RASAL3: variants seen among roughly 807,000 people sequenced by gnomAD.
The protein encoded by RASAL3 is RAS protein activator like-3.
Under a neutral mutation model 105.5 loss-of-function variants are expected in RASAL3, and 74 were observed. That is an observed-to-expected ratio of 0.70 (90% CI 0.58 to 0.85). The LOEUF is 0.85. Among genes scored for constraint, RASAL3 ranks in the 40% least tolerant of loss-of-function variants. The probability of loss-of-function intolerance (pLI) is 0.00; values close to 1 mark genes in which losing one functional copy is unlikely to be tolerated. For missense variants in RASAL3, 1,352 were observed against 1,392.0 expected (o/e 0.97, Z 0.46); for synonymous variants, 579 against 591.6 (o/e 0.98, Z 0.31).
In RASAL3 at chr19:15,464,350, TG is replaced by T; in HGVS notation, c.8del (p.Pro3HisfsTer18). MD[P>X]PSPSRTSQTQ... ...TTTGGGAGGTCCGGCTTGGCGACGGTGGGTCCATGGTTGGGGGGGGGGGTCT... is the reference window on the plus strand; with the variant it reads ...TTTGGGAGGTCCGGCTTGGCGACGGTGGTCCATGGTTGGGGGGGGGGGTCT... On this transcript the variant is annotated frameshift_variant, in exon 2 of 18. Transcript: ENST00000343625. LOFTEE classifies it high-confidence loss of function. 1.5e-6 allele frequency: 1 copy of T among 662,380 alleles called. No homozygotes were observed. Among genetic ancestry groups the T allele is most frequent in the Non-Finnish European group, 2.1e-6 (1 of 478,240 alleles). The allele number at this position is 662,380 out of a possible 1,614,324, so 41.0% of individuals were successfully genotyped here.
rs1481165822 is a variant in RASAL3 at position 15,460,266 on chromosome 19, G to A, written c.607-8C>T. ...CAGCCTCTTGAGCAACCCCTGTGGG[G>A]AAGGGAATGTCAGCTGGACAGAAAT... is the stretch of plus-strand genomic sequence containing the variant. On this transcript the variant is annotated splice_region_variant and splice_polypyrimidine_tract_variant and intron_variant, in intron 5 of 17. Transcript: ENST00000343625. 5 of 1,604,780 alleles carry A rather than the reference G, an allele frequency of 3.1e-6. No homozygotes were observed. The highest frequency in any genetic ancestry group is 2.6e-6 in the Non-Finnish European group (3 of 1,175,446).
chr19:15,463,987 G>T lies in RASAL3; in HGVS notation c.328+44C>A, dbSNP rs533843924. 11 of 1,494,760 alleles carry T rather than the reference G, an allele frequency of 7.4e-6. No homozygotes were observed. The South Asian group carries it at 1.1e-4, about 15-fold the overall frequency. 92.6% of individuals were successfully genotyped at this position (1,494,760 alleles called of 1,614,324 possible). A position where few individuals can be genotyped will look rare whatever the true frequency, so the allele number is the denominator to read the frequency against. On this transcript the variant is annotated intron_variant, in intron 2 of 17. Transcript: ENST00000343625. Reference sequence around the variant, plus strand: ...GGAGGCAGACAAAACCCAAGCATCCGGCTTCCCAGCCCGGCCCAAGCTCAG... The same window carrying T: ...GGAGGCAGACAAAACCCAAGCATCCTGCTTCCCAGCCCGGCCCAAGCTCAG...
chr19:15,453,045 C>T lies in RASAL3; in HGVS notation c.2670+62G>A. ...TTGAACCCAGACTTGCCTGGCCCTT[C>T]AGTCTTCCCCAGTCGCGTCCCTGTT... On this transcript the variant is annotated intron_variant, in intron 15 of 17. Coordinates refer to ENST00000343625, the MANE Select transcript of RASAL3 (RefSeq NM_022904.3). The surrounding 1 kb of genome is among the most constrained non-coding windows in gnomAD (Gnocchi z 4.2). 2 of 1,603,300 alleles carry T rather than the reference C, an allele frequency of 1.2e-6. No homozygotes were observed. Among genetic ancestry groups the T allele is most frequent in the Non-Finnish European group, 1.7e-6 (2 of 1,176,186 alleles).
chr19:15,464,451 C>A, intron 1 of RASAL3, 54 bp downstream of exon 1: 2 of 1,268,802 alleles, frequency 1.6e-6, no homozygotes, highest in Non-Finnish European at 2.2e-6. Context: ...CCCTCCCCAC[C>A]CTCAGCTCTG....
At position 15,453,310 on chromosome 19, in the gene RASAL3, G is replaced by T; in HGVS notation, c.2467C>A (p.Arg823=). 1 of 1,485,494 alleles carries T rather than the reference G, an allele frequency of 6.7e-7. No homozygotes were observed. The highest frequency in any genetic ancestry group is 8.9e-7 in the Non-Finnish European group (1 of 1,122,762). 92.0% of individuals were successfully genotyped at this position (1,485,494 alleles called of 1,614,324 possible). A position where few individuals can be genotyped will look rare whatever the true frequency, so the allele number is the denominator to read the frequency against. ...PVQRTQSVPV[R]RPARRRQSAG... is the part of the protein sequence containing the mutation. ...GATTGGCGGCGGCGGGCAGGACGCC[G>T]GACCGGGACACTCTGCGTGCGCTGC... Residue 823 remains arginine, a synonymous_variant, in exon 15 of 18, where the codon CGG becomes AGG. Transcript: ENST00000343625. This position sits in a 1 kb window ranked among gnomAD's most constrained non-coding sequence, Gnocchi z 4.2.
rs772617222 is a variant in RASAL3, at chr19:15,454,925, G to A, written c.1722-32C>T. Reference sequence around the variant, plus strand: ...CAGAAGAGGCAATGAATGGTCAGACGGGGAGGCTATGGGCATAAAGGTTAA... The same window carrying A: ...CAGAAGAGGCAATGAATGGTCAGACAGGGAGGCTATGGGCATAAAGGTTAA... On this transcript the variant is annotated intron_variant, in intron 11 of 17. Transcript: ENST00000343625. 15 of 1,493,744 alleles carry A rather than the reference G, an allele frequency of 1.0e-5. 1 individual carries two copies. The highest frequency in any genetic ancestry group is 3.7e-5 in the South Asian group (3 of 80,212). 92.5% of individuals were successfully genotyped at this position (1,493,744 alleles called of 1,614,324 possible).
At chr19:15,452,391 C>G in intron 16 of RASAL3, 1 of 592,214 alleles carries the variant, frequency 1.7e-6, no homozygotes, top group Non-Finnish European at 3.0e-6. Flanking sequence ...TATCTCAGTG[C>G]CCGGCCCAGC....
At chr19:15,463,084 T>TC (rs1470934168) in intron 2 of RASAL3, among the ~76,000 whole-genome samples, 7 of 151,192 alleles carry the variant, frequency 4.6e-5, no homozygotes, top group Non-Finnish European at 1.0e-4. Context: ...TTTCTTTCTT[T>TC]TTTTTTTTTT....
At chr19:15,455,382 G>T (rs1970285883) in intron 11 of RASAL3, among the ~76,000 whole-genome samples, 1 of 152,166 alleles carries the variant, frequency 6.6e-6, no homozygotes. Context: ...GGTCTCCTGT[G>T]ATCAGTTGCA....
intron 2 of RASAL3, among the ~76,000 whole-genome samples, chr19:15,462,342 C>T (rs1970536430): frequency 6.6e-6 from 1 of 151,962 alleles, no homozygotes; most frequent in African/African-American, 2.4e-5. Context: ...CAAAATTAGC[C>T]AGGCGTGGTG....
At position 15,454,760 on chromosome 19, in the gene RASAL3, C is replaced by T. The variant is rs1442385665; in HGVS notation, c.1855G>A (p.Ala619Thr). Residue 619 changes from alanine (A) to threonine (T), a missense_variant, in exon 12 of 18, where the codon GCA becomes ACA. Around this residue, in one of 3 missense-constraint regions of RASAL3, gnomAD observed 920 missense variants for 919.6 expected, o/e 1.00. Transcript: ENST00000343625. ...FLRLLCPAILAPSLFGLAPDH... is the reference protein window; with the variant it reads ...FLRLLCPAILTPSLFGLAPDH... ...GGTGCCAAACCAAAGAGGCTGGGTG[C>T]CAGGATGGCAGGGCACAGGAGCCGC... The T allele has an allele frequency of 1.9e-6, 3 of 1,605,766 alleles. No homozygotes were observed. The highest frequency in any genetic ancestry group is 2.6e-6 in the Non-Finnish European group (3 of 1,176,442).
At chr19:15,452,534 G>C in intron 16 of RASAL3, 124 bp downstream of exon 16, 1 of 862,668 alleles carries the variant, frequency 1.2e-6, no homozygotes, top group Non-Finnish European at 1.7e-6. Flanking sequence ...AGACTTATTG[G>C]GGCGGGGCCA....
In RASAL3 at chr19:15,454,082, G is replaced by A. The variant is rs912027954; in HGVS notation, c.2279+67C>T. ...CTCACAATGATCCAACTTCACCTCT[G>A]ACCCCTGTCTGAGCCCTGCTCCTTC... On this transcript the variant is annotated intron_variant, in intron 14 of 17. Transcript: ENST00000343625. The A allele has an allele frequency of 7.8e-6, 9 of 1,158,388 alleles. No individual in the cohort carries two copies. In the African/African-American group the frequency reaches 1.4e-4, roughly 18 times the overall value. The allele number at this position is 1,158,388 out of a possible 1,614,324, so 71.8% of individuals were successfully genotyped here.
chr19:15,460,722 T>C (rs1202252198), intron 5 of RASAL3, among the ~76,000 whole-genome samples: 1 of 152,156 alleles, frequency 6.6e-6, no homozygotes, highest in Admixed American at 6.5e-5. Flanking sequence ...TATTCTCCTA[T>C]ACTATTCATT....
rs1188283904 is a variant in RASAL3 at position 15,454,853 on chromosome 19, G to A, written c.1762C>T (p.Arg588Ter). The A allele has an allele frequency of 7.0e-6, 11 of 1,575,258 alleles. No individual in the cohort carries two copies. In the East Asian group the frequency reaches 7.0e-5, roughly 10 times the overall value. ...AELGIVFSSW[R>*]EACKERGSEV... ...GAGCCACGTTCTTTACATGCTTCTCGCCAGCTTGAGAACACGATGCCCAGC... is the reference window on the plus strand; with the variant it reads ...GAGCCACGTTCTTTACATGCTTCTCACCAGCTTGAGAACACGATGCCCAGC... The change falls in exon 12 of 18, where the codon CGA becomes TGA. Residue 588 changes from arginine to a stop codon, truncating the protein, a stop_gained. Transcript: ENST00000343625. LOFTEE classifies it high-confidence loss of function.
Position 15,456,714 on chromosome 19 carries a change from T to A in RASAL3, c.1432-68A>T, listed in dbSNP as rs1171176184. 2 of 1,546,508 alleles carry A rather than the reference T, an allele frequency of 1.3e-6. No homozygotes were observed. Among genetic ancestry groups the A allele is most frequent in the African/African-American group, 2.7e-5 (2 of 73,626 alleles). On this transcript the variant is annotated intron_variant, in intron 9 of 17. Coordinates refer to ENST00000343625, the MANE Select transcript of RASAL3 (RefSeq NM_022904.3). This position sits in a 1 kb window ranked among gnomAD's most constrained non-coding sequence, Gnocchi z 4.4. ...GTCCAAGGGAATTCGGATCCTTGGC[T>A]GGTCCCTCACACCAGAGGCACAGGC...
rs1212719990 is a variant in RASAL3, at chr19:15,458,379, A to G, written c.837T>C (p.Ala279=). The change falls in exon 8 of 18, where the codon GCT becomes GCC. Residue 279 remains alanine, a synonymous_variant. Coordinates refer to ENST00000343625, the MANE Select transcript of RASAL3 (RefSeq NM_022904.3). ...GGTCCTCGATCCAGCGGTCTCTCTC[A>G]GCGGCCGAGCGACAAGAGAAGCAGC... ...GSRCFSCRSA[A]ERDRWIEDLR... is the part of the protein sequence containing the mutation. 6.2e-7 allele frequency: 1 copy of G among 1,613,930 alleles called. No homozygotes were observed.
intron 2 of RASAL3, among the ~76,000 whole-genome samples, chr19:15,461,838 C>T (rs891205626): frequency 2.6e-5 from 4 of 152,076 alleles, no homozygotes; most frequent in African/African-American, 9.7e-5. Context: ...CCCTGTATAC[C>T]ACTCCACACA....
In RASAL3 at chr19:15,458,520, T is replaced by C; in HGVS notation, c.789+9A>G. 1 of 1,613,836 alleles carries C rather than the reference T, an allele frequency of 6.2e-7. No individual in the cohort carries two copies. ...TGAGGTGGAATCGAGGTGGACTGTC[T>C]ACACTTACCTGAAAGCAGTGGGGCT... On this transcript the variant is annotated intron_variant, in intron 7 of 17. Transcript: ENST00000343625.
Sources: gnomAD v4.1 joint callset for allele counts (sites outside exome capture counted in the v4.1 genomes callset) on GRCh38, gnomAD v4.1.1 for gene constraint, gnomAD v4.1.1 regional missense constraint, Gnocchi (gnomAD v3.1) non-coding constraint, MANE v1.5 for transcripts, NCBI Gene and HGNC (gene_info 2026-07-23, HGNC 2026-07-21) for gene names.